Variants in FHIT observed in about 807,000 individuals in gnomAD.
FHIT encodes the protein fragile histidine triad diadenosine triphosphatase.
In FHIT, 19 loss-of-function variants were observed where a neutral mutation model predicts 17.9. That is an observed-to-expected ratio of 1.06 (90% CI 0.74 to 1.56). FHIT has a LOEUF of 1.56. Ranked by LOEUF, FHIT falls within the 40% of genes most tolerant of loss-of-function variation. FHIT has a pLI of 0.00. For synonymous variants in FHIT, 81 were observed against 69.7 expected (o/e 1.16, Z -0.81); for missense variants, 248 against 189.2 (o/e 1.31, Z -1.82).
intron 4 of FHIT, among the ~76,000 whole-genome samples, chr3:60,561,532 G>A (rs1249379829): frequency 6.6e-6 from 1 of 151,966 alleles, no homozygotes; most frequent in African/African-American, 2.4e-5. Flanking sequence ...GAACCAATCT[G>A]CAATAGTCAT....
At chr3:60,334,953 C>A (rs1005810255) in intron 5 of FHIT, among the ~76,000 whole-genome samples, 7 of 152,278 alleles carry the variant, frequency 4.6e-5, no homozygotes, top group Non-Finnish European at 8.8e-5. Flanking sequence ...ATTTTCCTAA[C>A]AACAACTGAA....
chr3:60,199,070 T>A (rs533300616), intron 5 of FHIT, among the ~76,000 whole-genome samples: 1 of 152,282 alleles, frequency 6.6e-6, no homozygotes, highest in Non-Finnish European at 1.5e-5. Context: ...TGGAAAAGGC[T>A]TGGTGCTTCA....
intron 5 of FHIT, among the ~76,000 whole-genome samples, chr3:60,308,480 A>G (rs909602243): frequency 3.5e-5 from 4 of 113,320 alleles, no homozygotes; most frequent in African/African-American, 1.4e-4. Context: ...GTATAGGTAT[A>G]GGTATAGGTG....
chr3:60,667,055 G>A (rs1415178352), intron 4 of FHIT, among the ~76,000 whole-genome samples: 1 of 93,752 alleles, frequency 1.1e-5, no homozygotes, highest in African/African-American at 4.8e-5. Context: ...TTTTTTGGTA[G>A]AGACAGGGTT....
intron 7 of FHIT, among the ~76,000 whole-genome samples, chr3:59,971,592 T>A (rs1708185986): frequency 6.6e-6 from 1 of 152,162 alleles, no homozygotes; most frequent in Non-Finnish European, 1.5e-5. Context: ...GAGGCAGAAC[T>A]TTTCAACAGA....
At chr3:60,455,967 A>G (rs1265568369) in intron 5 of FHIT, among the ~76,000 whole-genome samples, 2 of 152,196 alleles carry the variant, frequency 1.3e-5, no homozygotes, top group Non-Finnish European at 2.9e-5. Flanking sequence ...AACTGAGTCT[A>G]GCAAGTGGTT....
At chr3:60,705,266 C>T (rs1250608774) in intron 4 of FHIT, among the ~76,000 whole-genome samples, 1 of 152,068 alleles carries the variant, frequency 6.6e-6, no homozygotes, top group Non-Finnish European at 1.5e-5. Context: ...GAGACATAAA[C>T]ATAGAACTTC....
intron 7 of FHIT, among the ~76,000 whole-genome samples, chr3:59,947,512 GT>G (rs1575745547): frequency 6.6e-6 from 1 of 152,056 alleles, no homozygotes; most frequent in South Asian, 2.1e-4. Context: ...ATTTCATTCA[GT>G]TTAGCTCCGA....
intron 2 of FHIT, among the ~76,000 whole-genome samples, chr3:61,139,175 A>G (rs1967348): frequency 0.3 from 46,014 of 151,734 alleles, 7,771 homozygotes; most frequent in East Asian, 0.73. Flanking sequence ...GACTATAGGC[A>G]TGTGCCACCA....
At position 60,494,854 on chromosome 3, in the gene FHIT, C is replaced by T. The variant is rs558480001; in HGVS notation, c.103+42006G>A. 1.9e-4 allele frequency among the ~76,000 whole-genome samples: 29 copies of T among 152,286 alleles called. No individual in the cohort carries two copies. In the South Asian group the frequency reaches 3.7e-3, roughly 20 times the overall value. The stretch of plus-strand genomic sequence containing the variant: ...AGTACTCCATTGTGATTAAGTACCA[C>T]ATTTTTTAAATCCATTCCTCTGCCG... On this transcript the variant is annotated intron_variant, in intron 5 of 9. Coordinates refer to ENST00000492590, the MANE Select transcript of FHIT (RefSeq NM_002012.4).
intron 3 of FHIT, among the ~76,000 whole-genome samples, chr3:60,925,542 C>A (rs527558539): frequency 3.9e-5 from 6 of 152,166 alleles, no homozygotes; most frequent in Non-Finnish European, 5.9e-5. Flanking sequence ...GCCTGCCTTA[C>A]AAGAGCTCCT....
chr3:59,936,782 G>A (rs963129640), intron 7 of FHIT, among the ~76,000 whole-genome samples: 12 of 152,106 alleles, frequency 7.9e-5, no homozygotes, highest in African/African-American at 2.9e-4. Flanking sequence ...AGTAATTATG[G>A]AGACAGCACT....
chr3:59,853,460 G>A (rs925874456), intron 8 of FHIT, among the ~76,000 whole-genome samples: 2 of 152,012 alleles, frequency 1.3e-5, no homozygotes, highest in Non-Finnish European at 2.9e-5. Context: ...CAAGTCCTAT[G>A]AATAATATAT....
chr3:60,677,140 G>A (rs972434656), intron 4 of FHIT, among the ~76,000 whole-genome samples: 1 of 152,234 alleles, frequency 6.6e-6, no homozygotes, highest in Middle Eastern at 3.4e-3. Context: ...GCCTCCCAAA[G>A]TGTTTGGATT....
In FHIT at chr3:61,102,886, G is replaced by T. The variant is rs548146171; in HGVS notation, c.-163-60787C>A. 1.0e-3 allele frequency among the ~76,000 whole-genome samples: 153 copies of T among 152,256 alleles called. 3 individuals are homozygous for T. The highest frequency in any genetic ancestry group is 8.5e-4 in the Admixed American group (13 of 15,290). ...CTGATGGTAGTTTGTATTTCTGTGG[G>T]ATCAGTGGTGATATCCCCTTTATCA... On this transcript the variant is annotated intron_variant, in intron 2 of 9. Coordinates refer to ENST00000492590, the MANE Select transcript of FHIT (RefSeq NM_002012.4).
In FHIT at chr3:60,940,358, G is replaced by T. The variant is rs550210627; in HGVS notation, c.-111+101689C>A. ...ATTTTATAGAACAAAATCTAAAGAA[G>T]ACAATTACTTAAGTGTATTTTCAAA... is the stretch of plus-strand genomic sequence containing the variant. On this transcript the variant is annotated intron_variant, in intron 3 of 9. Transcript: ENST00000492590. Among the ~76,000 whole-genome samples, 6 of 152,116 alleles carry T rather than the reference G, an allele frequency of 3.9e-5. No individual in the cohort carries two copies. The East Asian group carries it at 5.8e-4, about 15-fold the overall frequency.
intron 8 of FHIT, among the ~76,000 whole-genome samples, chr3:59,823,450 G>A (rs986330720): frequency 1.3e-5 from 2 of 151,928 alleles, no homozygotes; most frequent in African/African-American, 4.8e-5. Flanking sequence ...AAATCCTTAA[G>A]AAAATACTTG....
chr3:60,277,522 G>C (rs111678555), intron 5 of FHIT, among the ~76,000 whole-genome samples: 2,738 of 152,220 alleles, frequency 0.018, 84 homozygotes, highest in African/African-American at 0.06. Flanking sequence ...GTAGAGTAAC[G>C]AGCAGGCAAC....
chr3:61,108,487 T>A (rs1372545095), intron 2 of FHIT, among the ~76,000 whole-genome samples: 1 of 152,176 alleles, frequency 6.6e-6, no homozygotes, highest in African/African-American at 2.4e-5. Flanking sequence ...AATAAATGAA[T>A]GTTAATTACA....
Sources: gnomAD v4.1 joint callset for allele counts (sites outside exome capture counted in the v4.1 genomes callset) on GRCh38, gnomAD v4.1.1 for gene constraint, MANE v1.5 for transcripts, NCBI Gene and HGNC (gene_info 2026-07-23, HGNC 2026-07-21) for gene names.